The following VWF variants were observed in gnomAD, a reference collection of about 807,000 sequenced individuals.
The protein encoded by VWF is von Willebrand factor.
A neutral mutation model predicts 308.6 loss-of-function variants in VWF; 176 were observed. The observed-to-expected ratio is 0.57, with a 90% CI of 0.50 to 0.65. The LOEUF (loss-of-function observed/expected upper bound fraction) is 0.65. VWF is among the 30% of genes least tolerant of loss of function. The pLI is 0.00. For missense variants in VWF, 3,146 were observed against 3,648.2 expected (o/e 0.86, Z 3.55); for synonymous variants, 1,385 against 1,443.4 (o/e 0.96, Z 0.92).
At chr12:5,953,155 A>G (rs1162250171) in intron 48 of VWF, among the ~76,000 whole-genome samples, 6 of 152,048 alleles carry the variant, frequency 3.9e-5, no homozygotes, top group Admixed American at 3.9e-4. Flanking sequence ...TGAACCCAGG[A>G]GGCGGAGGTT....
At chr12:5,984,163 T>C (rs1217995196) in intron 40 of VWF, among the ~76,000 whole-genome samples, 2 of 152,206 alleles carry the variant, frequency 1.3e-5, no homozygotes, top group African/African-American at 4.8e-5. Context: ...CTCTACCTTA[T>C]AGGATCAGTC....
intron 10 of VWF, among the ~76,000 whole-genome samples, chr12:6,065,915 G>A (rs1024501396): frequency 5.3e-5 from 8 of 152,220 alleles, no homozygotes; most frequent in Admixed American, 2.0e-4. Context: ...TGCTTTCTGC[G>A]TCCTCAGAGG....
chr12:5,964,878 AG>A (rs34870498), intron 47 of VWF, among the ~76,000 whole-genome samples: 58 of 152,170 alleles, frequency 3.8e-4, no homozygotes, highest in African/African-American at 1.3e-3. Context: ...AATAAGCCGA[AG>A]GGGGCAACAG....
intron 10 of VWF, among the ~76,000 whole-genome samples, chr12:6,065,662 C>G (rs555719555): frequency 6.6e-6 from 1 of 152,202 alleles, no homozygotes; most frequent in Non-Finnish European, 1.5e-5. Context: ...CAGCCTCAGA[C>G]TGGTGCCAGC....
rs751510445 is a variant in VWF, at chr12:6,063,089, G to A, written c.1433-35C>T. On this transcript the variant is annotated intron_variant, in intron 12 of 51. Transcript: ENST00000261405. This position sits in a 1 kb window ranked among gnomAD's most constrained non-coding sequence, Gnocchi z 4.9. ...AGCAGGACAGGACTCAGGCAGAGGT[G>A]GGGAGAGGACAGGGTGGTGGCAGGC... is the stretch of plus-strand genomic sequence containing the variant. The A allele has an allele frequency of 2.5e-6, 4 of 1,577,704 alleles. No individual in the cohort carries two copies. In the Admixed American group the frequency reaches 5.0e-5, roughly 20 times the overall value.
intron 42 of VWF, among the ~76,000 whole-genome samples, chr12:5,977,016 T>A (rs1943541315): frequency 6.6e-6 from 1 of 152,198 alleles, no homozygotes; most frequent in Non-Finnish European, 1.5e-5. Context: ...CTCCACCCTG[T>A]GAATGTCATA....
chr12:5,967,713 G>A (rs559692453), intron 46 of VWF, 111 bp from the exon 47 acceptor site: 15 of 943,388 alleles, frequency 1.6e-5, no homozygotes, highest in South Asian at 2.6e-5. Context: ...ATGAGCCATC[G>A]CTCTGCTGCT....
chr12:6,123,362 G>A (rs1452168954), intron 1 of VWF, among the ~76,000 whole-genome samples, 166 bp from the exon 2 acceptor site: 1 of 152,078 alleles, frequency 6.6e-6, no homozygotes, highest in East Asian at 1.9e-4. Context: ...TCTGGCCCCC[G>A]AAAAAACCCC....
rs1163651980 is a variant in VWF, at chr12:6,065,149, A to G, written c.1281T>C (p.Ile427=). Residue 427 remains isoleucine, a synonymous_variant, in exon 11 of 52, where the codon ATT becomes ATC. Transcript: ENST00000261405. Reference sequence around the variant, plus strand: ...TGGCAAAGCTCACCTGGACAGTCTCAATGACAATGGAGAAGGAGTGGTCCT... The same window carrying G: ...TGGCAAAGCTCACCTGGACAGTCTCGATGACAATGGAGAAGGAGTGGTCCT... ...DCQDHSFSIV[I]ETVQCADDRD... 6.2e-7 allele frequency: 1 copy of G among 1,614,214 alleles called. No individual in the cohort carries two copies. The highest frequency in any genetic ancestry group is 8.5e-7 in the Non-Finnish European group (1 of 1,180,034).
Position 5,981,975 on chromosome 12 carries a change from C to A in VWF, c.7098G>T (p.Glu2366Asp). The change falls in exon 42 of 52, where the codon GAG becomes GAT. Residue 2366 changes from glutamate (E) to aspartate (D), a missense_variant. Coordinates refer to ENST00000261405, the MANE Select transcript of VWF (RefSeq NM_000552.5). ...PNFTCACRKE[E>D]CKRVSPPSCP... ...AGGAGGGTGGGGACACTCTTTTGCA[C>A]TCCTCCTTCCTGCAGGCTGAGGGTA... The A allele has an allele frequency of 5.6e-6, 9 of 1,613,724 alleles. No homozygotes were observed. Among genetic ancestry groups the A allele is most frequent in the Non-Finnish European group, 6.8e-6 (8 of 1,179,982 alleles).
Position 5,952,528 on chromosome 12 carries a change from A to G in VWF, c.7987-9T>C. On this transcript the variant is annotated splice_polypyrimidine_tract_variant and intron_variant, in intron 48 of 51. Coordinates refer to ENST00000261405, the MANE Select transcript of VWF (RefSeq NM_000552.5). The stretch of plus-strand genomic sequence containing the variant: ...TGGAGCGTCTCATCACGCTGGAAGG[A>G]AAGAGGAGTGGGTAAAGTCAGAGAC... 2 of 1,613,234 alleles carry G rather than the reference A, an allele frequency of 1.2e-6. No homozygotes were observed. The highest frequency in any genetic ancestry group is 1.7e-5 in the Admixed American group (1 of 59,972).
intron 6 of VWF, among the ~76,000 whole-genome samples, chr12:6,078,349 A>G (rs1944868481): frequency 6.6e-6 from 1 of 152,198 alleles, no homozygotes; most frequent in African/African-American, 2.4e-5. Context: ...TCTTCTTTGC[A>G]ATAGGCAGAA....
intron 42 of VWF, among the ~76,000 whole-genome samples, chr12:5,977,359 A>G (rs1304754495): frequency 6.6e-6 from 1 of 152,228 alleles, no homozygotes; most frequent in Non-Finnish European, 1.5e-5. Context: ...TTGTTGAAAC[A>G]AAACTATGGT....
At chr12:5,995,833 C>A (rs1190262972) in intron 35 of VWF, among the ~76,000 whole-genome samples, 169 bp downstream of exon 35, 1 of 152,118 alleles carries the variant, frequency 6.6e-6, no homozygotes, top group Non-Finnish European at 1.5e-5. Context: ...CACGCCAAGA[C>A]AAGGGGATGG....
At chr12:5,995,222 G>A (rs1390328410) in intron 35 of VWF, among the ~76,000 whole-genome samples, 4 of 152,114 alleles carry the variant, frequency 2.6e-5, no homozygotes, top group Admixed American at 2.0e-4. Context: ...GCCACTAGAC[G>A]CTCTTTCTTG....
chr12:6,036,316 C>T, intron 19 of VWF, 72 bp downstream of exon 19: 1 of 1,406,358 alleles, frequency 7.1e-7, no homozygotes, highest in Non-Finnish European at 1.0e-6. Context: ...TGCGGAAGGT[C>T]CTGTGGCCGC....
In VWF at chr12:6,092,614, T is replaced by TGAGAGAGAGAGAGAGAGAGAGAGA. The variant is rs1555073700; in HGVS notation, c.657+2845_657+2846insTCTCTCTCTCTCTCTCTCTCTCTC. On this transcript the variant is annotated intron_variant, in intron 6 of 51. Coordinates refer to ENST00000261405, the MANE Select transcript of VWF (RefSeq NM_000552.5). ...CATGCCCAGCTAGTTAGTGAGTGAG[T>TGAGAGAGAGAGAGAGAGAGAGAGA]GAGAGTGTGTGTGTGTGTGTGTGTG... Among the ~76,000 whole-genome samples the TGAGAGAGAGAGAGAGAGAGAGAGA allele has an allele frequency of 3.2e-3, 271 of 85,944 alleles. 14 individuals are homozygous for TGAGAGAGAGAGAGAGAGAGAGAGA. Among genetic ancestry groups the TGAGAGAGAGAGAGAGAGAGAGAGA allele is most frequent in the African/African-American group, 0.014 (248 of 17,132 alleles). The allele number at this position is 85,944 out of a possible 152,430, so 56.4% of individuals were successfully genotyped here.
chr12:6,086,565 A>C (rs1363305870), intron 6 of VWF, among the ~76,000 whole-genome samples: 1 of 152,184 alleles, frequency 6.6e-6, no homozygotes, highest in Non-Finnish European at 1.5e-5. Flanking sequence ...AATTCTTCCC[A>C]GTCTCCAAGA....
chr12:6,090,036 C>A (rs1945013911), intron 6 of VWF, among the ~76,000 whole-genome samples: 1 of 152,122 alleles, frequency 6.6e-6, no homozygotes, highest in Non-Finnish European at 1.5e-5. Flanking sequence ...CGGCTCACTG[C>A]AAGCTCTGCC....
Sources: gnomAD v4.1 joint callset for allele counts (sites outside exome capture counted in the v4.1 genomes callset) on GRCh38, gnomAD v4.1.1 for gene constraint, Gnocchi (gnomAD v3.1) non-coding constraint, MANE v1.5 for transcripts, NCBI Gene and HGNC (gene_info 2026-07-23, HGNC 2026-07-21) for gene names.